The following ANKIB1 variants were observed in gnomAD, a reference collection of about 807,000 sequenced individuals.
ANKIB1 encodes ankyrin repeat and IBR domain containing 1, also known as ankyrin repeat and IBR domain-containing protein 1.
In ANKIB1, 43 loss-of-function variants were observed where a neutral mutation model predicts 122.1. That is an observed-to-expected ratio of 0.35 (90% CI 0.28 to 0.45). ANKIB1 has a LOEUF of 0.45. ANKIB1 is among the 20% of genes least tolerant of loss of function. The probability of loss-of-function intolerance (pLI) is 1.00; values close to 1 mark genes in which losing one functional copy is unlikely to be tolerated. For synonymous variants in ANKIB1, 390 were observed against 442.0 expected, an observed-to-expected ratio of 0.88 and a Z score of 1.48; for missense variants, 992 against 1,329.5, an observed-to-expected ratio of 0.75 and a Z score of 3.95.
chr7:92,286,767 C>T (rs1288941121), intron 1 of ANKIB1, among the ~76,000 whole-genome samples: 1 of 152,166 alleles, frequency 6.6e-6, no homozygotes, highest in Non-Finnish European at 1.5e-5. Context: ...TGAGCCACCA[C>T]GCCTGGCTTA....
intron 5 of ANKIB1, among the ~76,000 whole-genome samples, chr7:92,337,860 G>C (rs1435819576): frequency 6.6e-6 from 1 of 152,030 alleles, no homozygotes; most frequent in Non-Finnish European, 1.5e-5. Flanking sequence ...TGGAGGCTTT[G>C]GAAAGCCTTG....
At chr7:92,379,048 TAGAA>T (rs1305938002) in intron 11 of ANKIB1, among the ~76,000 whole-genome samples, 1 of 152,216 alleles carries the variant, frequency 6.6e-6, no homozygotes, top group Non-Finnish European at 1.5e-5. Context: ...ATGAAGTTCT[TAGAA>T]AGATTCCATC....
intron 10 of ANKIB1, 98 bp downstream of exon 10, chr7:92,362,371 A>G: frequency 8.8e-7 from 1 of 1,133,564 alleles, no homozygotes; most frequent in Non-Finnish European, 1.3e-6. Flanking sequence ...AGAGGTTTTC[A>G]GATTTGTTAA....
intron 1 of ANKIB1, among the ~76,000 whole-genome samples, chr7:92,290,311 GGTT>G (rs1476123217): frequency 3.3e-5 from 5 of 151,928 alleles, no homozygotes; most frequent in South Asian, 2.1e-4. Flanking sequence ...GTAGATTTAA[GGTT>G]GTTGTTATCA....
chr7:92,277,383 G>A (rs1188205972), intron 1 of ANKIB1, among the ~76,000 whole-genome samples: 1 of 152,156 alleles, frequency 6.6e-6, no homozygotes, highest in Non-Finnish European at 1.5e-5. Flanking sequence ...GGTATTAAAT[G>A]CATTTTTGAC....
In ANKIB1 at chr7:92,360,615, C is replaced by T. The variant is rs189564926; in HGVS notation, c.1398-1570C>T. The stretch of plus-strand genomic sequence containing the variant: ...ATACCTTAGAATGAAATTGCTGAAT[C>T]ATATGGTAATTCTAAGTTTAACTTT... On this transcript the variant is annotated intron_variant, in intron 9 of 19. Coordinates refer to ENST00000265742, the MANE Select transcript of ANKIB1 (RefSeq NM_019004.2). Among the ~76,000 whole-genome samples, 316 of 152,272 alleles carry T rather than the reference C, an allele frequency of 2.1e-3. 1 individual carries two copies. The highest frequency in any genetic ancestry group is 7.1e-3 in the African/African-American group (297 of 41,540).
At chr7:92,297,980 TCTCTA>T (rs2131923407) in intron 2 of ANKIB1, among the ~76,000 whole-genome samples, 1 of 152,288 alleles carries the variant, frequency 6.6e-6, no homozygotes, top group South Asian at 2.1e-4. Context: ...GCTTCTCTCT[TCTCTA>T]ATTACCTGTC....
chr7:92,302,455 C>T (rs1282456724), intron 2 of ANKIB1, among the ~76,000 whole-genome samples: 2 of 152,062 alleles, frequency 1.3e-5, no homozygotes, highest in African/African-American at 4.8e-5. Flanking sequence ...CTCTCTGAAC[C>T]CACATGCTAT....
intron 1 of ANKIB1, among the ~76,000 whole-genome samples, chr7:92,288,833 A>G (rs1276475230): frequency 6.6e-6 from 1 of 152,150 alleles, no homozygotes; most frequent in Non-Finnish European, 1.5e-5. Context: ...CATCCATTAT[A>G]ATGGCTACCA....
intron 1 of ANKIB1, among the ~76,000 whole-genome samples, chr7:92,267,697 A>G (rs1376154742): frequency 6.6e-6 from 1 of 152,228 alleles, no homozygotes. Flanking sequence ...TTTTGGGTAG[A>G]GTTCAAGATT....
At chr7:92,368,493 G>T (rs908013761) in intron 10 of ANKIB1, among the ~76,000 whole-genome samples, 1 of 151,976 alleles carries the variant, frequency 6.6e-6, no homozygotes, top group Non-Finnish European at 1.5e-5. Context: ...AACGCAGGCA[G>T]ATCACTTCAG....
chr7:92,335,139 A>T (rs531365483), intron 5 of ANKIB1, among the ~76,000 whole-genome samples: 3 of 151,840 alleles, frequency 2.0e-5, no homozygotes, highest in East Asian at 3.9e-4. Flanking sequence ...CATTCATTTT[A>T]AAATATTTTA....
At chr7:92,312,727 A>G (rs1229516217) in intron 3 of ANKIB1, among the ~76,000 whole-genome samples, 1 of 152,236 alleles carries the variant, frequency 6.6e-6, no homozygotes, top group African/African-American at 2.4e-5. Context: ...AATATGTAAA[A>G]TAACATTATC....
chr7:92,346,511 TC>T (rs1457516551), intron 7 of ANKIB1, among the ~76,000 whole-genome samples: 1 of 152,168 alleles, frequency 6.6e-6, no homozygotes, highest in African/African-American at 2.4e-5. Context: ...ATCTGGTTGT[TC>T]CTTTTAAGAC....
intron 4 of ANKIB1, chr7:92,319,770 C>T (rs1802865858): frequency 2.8e-6 from 1 of 360,216 alleles, no homozygotes; most frequent in Non-Finnish European, 5.0e-6. Flanking sequence ...ACTCTATCTA[C>T]AAAAAATTTT....
intron 3 of ANKIB1, among the ~76,000 whole-genome samples, chr7:92,317,863 G>A (rs958327404): frequency 3.9e-5 from 6 of 152,168 alleles, no homozygotes; most frequent in African/African-American, 9.7e-5. Flanking sequence ...CAACTCATGC[G>A]AAATGAAAAT....
At chr7:92,367,124 G>A (rs886497781) in intron 10 of ANKIB1, among the ~76,000 whole-genome samples, 12 of 152,198 alleles carry the variant, frequency 7.9e-5, no homozygotes, top group Non-Finnish European at 1.3e-4. Flanking sequence ...AGATCCCAAA[G>A]GGGGTTTTGA....
intron 4 of ANKIB1, among the ~76,000 whole-genome samples, chr7:92,325,706 TA>T (rs1329346984): frequency 1.3e-5 from 2 of 151,654 alleles, no homozygotes; most frequent in Non-Finnish European, 2.9e-5. Context: ...GTGAAAAAAA[TA>T]AAAACAAATA....
intron 5 of ANKIB1, among the ~76,000 whole-genome samples, chr7:92,338,902 A>C (rs1803355416): frequency 1.2e-5 from 1 of 86,312 alleles, no homozygotes. Flanking sequence ...ACAGAGTGAG[A>C]CTCCATCTCA....
Sources: gnomAD v4.1 joint callset for allele counts (sites outside exome capture counted in the v4.1 genomes callset) on GRCh38, gnomAD v4.1.1 for gene constraint, MANE v1.5 for transcripts, NCBI Gene and HGNC (gene_info 2026-07-23, HGNC 2026-07-21) for gene names.